FSTL5: variants seen among roughly 807,000 people sequenced by gnomAD.
The protein encoded by FSTL5 is follistatin-related protein 5.
FSTL5 carries 62 observed loss-of-function variants against 89.1 expected under a neutral mutation model. That is an observed-to-expected ratio of 0.70 (90% CI 0.57 to 0.86). The LOEUF is 0.86. Among genes scored for constraint, FSTL5 ranks in the 40% least tolerant of loss-of-function variants. The probability of loss-of-function intolerance (pLI) is 0.00; values close to 1 mark genes in which losing one functional copy is unlikely to be tolerated. For synonymous variants in FSTL5, 383 were observed against 346.2 expected (o/e 1.11, Z -1.18); for missense variants, 1,057 against 1,001.6 (o/e 1.06, Z -0.75).
At chr4:161,445,700 T>A (rs1192034517) in intron 15 of FSTL5, among the ~76,000 whole-genome samples, 1 of 151,980 alleles carries the variant, frequency 6.6e-6, no homozygotes, top group Non-Finnish European at 1.5e-5. Context: ...CAGATGACAA[T>A]TTAGATATAA....
intron 4 of FSTL5, among the ~76,000 whole-genome samples, chr4:161,821,340 A>C (rs1730487613): frequency 1.3e-5 from 2 of 152,202 alleles, no homozygotes; most frequent in Non-Finnish European, 2.9e-5. Context: ...ACATGGCCAG[A>C]AACAGGTTTT....
intron 7 of FSTL5, among the ~76,000 whole-genome samples, chr4:161,606,277 C>T (rs1327134414): frequency 1.4e-5 from 2 of 138,986 alleles, no homozygotes; most frequent in Non-Finnish European, 3.1e-5. Context: ...CGGAGTCTCA[C>T]GCTGACGCCA....
At chr4:161,685,921 G>A (rs1385468050) in intron 6 of FSTL5, among the ~76,000 whole-genome samples, 2 of 152,014 alleles carry the variant, frequency 1.3e-5, no homozygotes, top group African/African-American at 4.8e-5. Flanking sequence ...TTACATTGAG[G>A]TGTGTCCCTT....
intron 7 of FSTL5, among the ~76,000 whole-genome samples, chr4:161,598,375 AAAACAAAC>A (rs34689880): frequency 7.3e-5 from 11 of 149,804 alleles, no homozygotes; most frequent in African/African-American, 1.5e-4. Flanking sequence ...ACCCTGTCTC[AAAACAAAC>A]AAACAAACAA....
intron 2 of FSTL5, among the ~76,000 whole-genome samples, chr4:162,065,833 T>C (rs72693245): frequency 0.054 from 8,161 of 152,170 alleles, 398 homozygotes; most frequent in East Asian, 0.24. Flanking sequence ...GTTATCATTA[T>C]GAAATGACGG....
chr4:161,632,259 A>G (rs996534924), intron 7 of FSTL5, among the ~76,000 whole-genome samples: 1 of 152,136 alleles, frequency 6.6e-6, no homozygotes, highest in Non-Finnish European at 1.5e-5. Flanking sequence ...GGGCACCTGT[A>G]ATCCCATCTA....
At chr4:162,095,985 C>T (rs940468198) in intron 2 of FSTL5, among the ~76,000 whole-genome samples, 5 of 151,808 alleles carry the variant, frequency 3.3e-5, no homozygotes, top group Non-Finnish European at 5.9e-5. Flanking sequence ...TCTACTACTA[C>T]CCGATTGTAG....
At chr4:161,471,739 A>G (rs902389972) in intron 13 of FSTL5, among the ~76,000 whole-genome samples, 1 of 152,116 alleles carries the variant, frequency 6.6e-6, no homozygotes, top group African/African-American at 2.4e-5. Flanking sequence ...ATTTGTAAGT[A>G]AATTTATTTT....
chr4:161,436,873 T>G (rs1301145273), intron 15 of FSTL5, among the ~76,000 whole-genome samples: 2 of 152,164 alleles, frequency 1.3e-5, no homozygotes, highest in East Asian at 3.9e-4. Flanking sequence ...TTCAAAGAAG[T>G]TAGCAAGTAA....
At chr4:161,752,034 T>C (rs962599256) in intron 6 of FSTL5, among the ~76,000 whole-genome samples, 1 of 152,202 alleles carries the variant, frequency 6.6e-6, no homozygotes, top group African/African-American at 2.4e-5. Flanking sequence ...AGGTTTAGTC[T>C]TTCAGAGATA....
chr4:161,550,653 T>C (rs993117581), intron 8 of FSTL5, among the ~76,000 whole-genome samples: 4 of 151,854 alleles, frequency 2.6e-5, no homozygotes, highest in African/African-American at 9.7e-5. Flanking sequence ...TACATATGTT[T>C]ACATGTGCCA....
intron 1 of FSTL5, among the ~76,000 whole-genome samples, chr4:162,136,384 T>C (rs2111469269): frequency 6.6e-6 from 1 of 152,112 alleles, no homozygotes; most frequent in South Asian, 2.1e-4. Context: ...GATAAATACT[T>C]TGGAGGTAAA....
intron 6 of FSTL5, among the ~76,000 whole-genome samples, chr4:161,752,736 A>G (rs1243046939): frequency 6.6e-6 from 1 of 152,130 alleles, no homozygotes; most frequent in Non-Finnish European, 1.5e-5. Flanking sequence ...TGTCTCCTCC[A>G]ACTTCATATG....
At chr4:161,407,109 T>C (rs1578949591) in intron 15 of FSTL5, among the ~76,000 whole-genome samples, 1 of 152,264 alleles carries the variant, frequency 6.6e-6, no homozygotes, top group African/African-American at 2.4e-5. Flanking sequence ...GCAAAGCATT[T>C]TGAAACTAGA....
At chr4:162,137,358 C>G (rs1167380064) in intron 1 of FSTL5, among the ~76,000 whole-genome samples, 1 of 151,960 alleles carries the variant, frequency 6.6e-6, no homozygotes, top group Non-Finnish European at 1.5e-5. Context: ...ATGCCAGGAC[C>G]TGGGGGATTA....
intron 6 of FSTL5, among the ~76,000 whole-genome samples, chr4:161,658,072 A>G (rs1460784952): frequency 1.3e-5 from 2 of 152,212 alleles, no homozygotes; most frequent in Admixed American, 6.5e-5. Context: ...CCAGTTAGAA[A>G]TGGATAACAA....
intron 3 of FSTL5, among the ~76,000 whole-genome samples, chr4:162,004,339 T>C (rs1234337768): frequency 2.0e-5 from 3 of 152,206 alleles, no homozygotes; most frequent in Non-Finnish European, 4.4e-5. Context: ...CTAGGTCCCA[T>C]TGACTCTGCT....
intron 2 of FSTL5, among the ~76,000 whole-genome samples, chr4:162,057,471 A>C (rs975021456): frequency 5.9e-5 from 9 of 152,214 alleles, no homozygotes; most frequent in Non-Finnish European, 1.0e-4. Flanking sequence ...GTTTTTATAT[A>C]GTTTTTGCAT....
chr4:161,879,284 T>C (rs555753576), intron 4 of FSTL5, among the ~76,000 whole-genome samples: 7 of 152,232 alleles, frequency 4.6e-5, no homozygotes, highest in African/African-American at 1.7e-4. Context: ...ACAAGCCCCA[T>C]CTCTCACCTA....
Sources: allele counts gnomAD v4.1 joint callset (sites outside exome capture counted in the v4.1 genomes callset), GRCh38; gene constraint gnomAD v4.1.1; transcripts MANE v1.5; gene names NCBI Gene and HGNC (gene_info 2026-07-23, HGNC 2026-07-21).